The following CLVS1 variants were observed in gnomAD, a reference collection of about 807,000 sequenced individuals.
The protein encoded by CLVS1 is clavesin-1.
CLVS1 carries 10 observed loss-of-function variants against 33.1 expected under a neutral mutation model. That is an observed-to-expected ratio of 0.30 (90% CI 0.19 to 0.51). The LOEUF (loss-of-function observed/expected upper bound fraction) is 0.51. Ranked by LOEUF, CLVS1 falls within the 20% of genes least tolerant of loss-of-function variation. The probability of loss-of-function intolerance (pLI) is 0.97; values close to 1 mark genes in which losing one functional copy is unlikely to be tolerated. For missense variants in CLVS1, 343 were observed against 433.4 expected (o/e 0.79, Z 1.85); for synonymous variants, 163 against 166.1 (o/e 0.98, Z 0.14).
chr8:61,395,125 G>A (rs2129603143), intron 3 of CLVS1, among the ~76,000 whole-genome samples: 1 of 152,288 alleles, frequency 6.6e-6, no homozygotes, highest in Non-Finnish European at 1.5e-5. Context: ...ATACTATGCA[G>A]CCTTCAAAAA....
rs1804511547 is a variant in CLVS1 at position 61,499,934 on chromosome 8, A to C, written c.*392A>C. The C allele has an allele frequency of 5.8e-6, 1 of 172,842 alleles. No homozygotes were observed. Among genetic ancestry groups the C allele is most frequent in the African/African-American group, 2.4e-5 (1 of 42,456 alleles). 10.7% of individuals were successfully genotyped at this position (172,842 alleles called of 1,614,324 possible). A position where few individuals can be genotyped will look rare whatever the true frequency, so the allele number is the denominator to read the frequency against. On this transcript the variant is annotated 3_prime_UTR_variant, in exon 6 of 6. Coordinates refer to ENST00000325897, the MANE Select transcript of CLVS1 (RefSeq NM_173519.3). ...GTTTTTGAAAATTAAGTGCATTTCC[A>C]AGTAAATGTATCAGAGTTAAACTGT...
chr8:61,189,973 A>G (rs1460938543), intron 2 of CLVS1, among the ~76,000 whole-genome samples: 3 of 152,162 alleles, frequency 2.0e-5, no homozygotes, highest in Non-Finnish European at 4.4e-5. Context: ...AAGAGACAGA[A>G]AGTTAACAAG....
chr8:61,113,617 C>T (rs1438967028), intron 1 of CLVS1, among the ~76,000 whole-genome samples: 1 of 152,112 alleles, frequency 6.6e-6, no homozygotes, highest in African/African-American at 2.4e-5. Flanking sequence ...CAAGTTGGAC[C>T]CAGGGAAGTT....
In CLVS1 at chr8:61,455,926, A is replaced by G. The variant is rs774501425; in HGVS notation, c.741+1675A>G. 1.1e-4 allele frequency among the ~76,000 whole-genome samples: 17 copies of G among 152,222 alleles called. No homozygotes were observed. The South Asian group carries it at 1.7e-3, about 15-fold the overall frequency. On this transcript the variant is annotated intron_variant, in intron 4 of 5. Coordinates refer to ENST00000325897, the MANE Select transcript of CLVS1 (RefSeq NM_173519.3). ...AGCAGGGGTAATTTCCCTGTTCTCA[A>G]ACAAGTTTGAAACCAGGAATTAGAA...
chr8:61,458,463 C>G lies in CLVS1; in HGVS notation c.898C>G (p.His300Asp). ...CTACAGCGATGAAAATGACTATACT[C>G]ACACATCCTATAATGCAATGCACGT... ...PDYSDENDYTHTSYNAMHVKH... is the reference protein window; with the variant it reads ...PDYSDENDYTDTSYNAMHVKH... The change falls in exon 5 of 6, where the codon CAC becomes GAC. Residue 300 changes from histidine (H) to aspartate (D), a missense_variant. This residue lies in a region of CLVS1 where 86 missense variants were observed against 95.0 expected (regional missense o/e 0.91). Coordinates refer to ENST00000325897, the MANE Select transcript of CLVS1 (RefSeq NM_173519.3). 1.2e-6 allele frequency: 2 copies of G among 1,614,018 alleles called. No individual in the cohort carries two copies. The highest frequency in any genetic ancestry group is 1.6e-4 in the Middle Eastern group (1 of 6,062).
chr8:60,991,719 C>T, the CLVS1 span, among the ~76,000 whole-genome samples: 3 of 151,496 alleles, frequency 2.0e-5, no homozygotes, highest in African/African-American at 7.3e-5. Context: ...TTCTCTTTCA[C>T]CCTTTGGCCT....
At chr8:61,120,989 G>A (rs1267741023) in intron 1 of CLVS1, among the ~76,000 whole-genome samples, 22 of 150,516 alleles carry the variant, frequency 1.5e-4, no homozygotes, top group Non-Finnish European at 2.8e-4. Context: ...CCGCCTTGTA[G>A]TTTGATCTCA....
chr8:61,033,912 T>A, the CLVS1 span, among the ~76,000 whole-genome samples: 2 of 152,214 alleles, frequency 1.3e-5, no homozygotes, highest in African/African-American at 4.8e-5. Context: ...ACCCTGTGAA[T>A]AACCATGGTC....
chr8:61,126,969 C>T (rs1805985282), intron 1 of CLVS1, among the ~76,000 whole-genome samples: 1 of 152,178 alleles, frequency 6.6e-6, no homozygotes, highest in African/African-American at 2.4e-5. Flanking sequence ...TGATGTTCCT[C>T]AATTGGCCTG....
At chr8:61,127,620 A>T (rs1806001466) in intron 1 of CLVS1, among the ~76,000 whole-genome samples, 1 of 152,216 alleles carries the variant, frequency 6.6e-6, no homozygotes, top group South Asian at 2.1e-4. Context: ...AATATGCCTG[A>T]TTTCTTAGGA....
intron 2 of CLVS1, among the ~76,000 whole-genome samples, chr8:61,211,778 G>C (rs933031000): frequency 1.3e-5 from 2 of 152,124 alleles, no homozygotes; most frequent in African/African-American, 4.8e-5. Flanking sequence ...GGTTATCCTA[G>C]AATACATGGA....
intron 1 of CLVS1, among the ~76,000 whole-genome samples, chr8:61,115,654 T>C (rs1805707395): frequency 6.6e-6 from 1 of 151,876 alleles, no homozygotes; most frequent in Non-Finnish European, 1.5e-5. Context: ...GATAGTGTAC[T>C]GAGAATGATG....
At chr8:61,298,349 T>C (rs946196421) in intron 1 of CLVS1, among the ~76,000 whole-genome samples, 1 of 152,186 alleles carries the variant, frequency 6.6e-6, no homozygotes, top group Non-Finnish European at 1.5e-5. Context: ...CAGAGATAAA[T>C]GCTATTTTCT....
At chr8:61,131,676 T>C (rs1455786081) in intron 1 of CLVS1, 1 of 152,058 alleles carries the variant, frequency 6.6e-6, no homozygotes, top group Non-Finnish European at 1.5e-5. Context: ...GGCCAGTTTT[T>C]TTTTTTTTCT....
At position 61,110,072 on chromosome 8, in the gene CLVS1, C is replaced by T. The variant is rs191237020; in HGVS notation, c.-242-21698C>T. On this transcript the variant is annotated intron_variant, in intron 1 of 2. Coordinates refer to the CLVS1 transcript ENST00000522621. ...GCCTGTGCGCTGACTCCCAGCTGCC[C>T]TGAGCGTTGGCTGCTAATGGTGCAC... 1.4e-4 allele frequency among the ~76,000 whole-genome samples: 22 copies of T among 152,340 alleles called. No homozygotes were observed. In the East Asian group the frequency reaches 4.2e-3, roughly 29 times the overall value.
At chr8:61,435,672 C>T (rs1816304892) in intron 3 of CLVS1, among the ~76,000 whole-genome samples, 2 of 150,502 alleles carry the variant, frequency 1.3e-5, no homozygotes, top group Non-Finnish European at 3.0e-5. Context: ...CTTTCTGATG[C>T]ACCACCACAA....
chr8:61,383,364 C>G (rs1024161804), intron 3 of CLVS1, among the ~76,000 whole-genome samples: 1 of 152,246 alleles, frequency 6.6e-6, no homozygotes, highest in Non-Finnish European at 1.5e-5. Context: ...CTGTAGGACT[C>G]TCTTCAGCAG....
intron 1 of CLVS1, among the ~76,000 whole-genome samples, chr8:61,123,212 T>G (rs1805909136): frequency 7.0e-6 from 1 of 142,760 alleles, no homozygotes; most frequent in African/African-American, 2.6e-5. Flanking sequence ...GAGGTTGCGC[T>G]GAGCCGAGAT....
chr8:61,164,739 C>T (rs978950219), intron 2 of CLVS1, among the ~76,000 whole-genome samples: 4 of 152,156 alleles, frequency 2.6e-5, no homozygotes, highest in Admixed American at 6.5e-5. Flanking sequence ...GTTGGAATCC[C>T]CCCTCTTTCT....
Sources: gnomAD v4.1 joint callset for allele counts (sites outside exome capture counted in the v4.1 genomes callset) on GRCh38, gnomAD v4.1.1 for gene constraint, gnomAD v4.1.1 regional missense constraint, MANE v1.5 for transcripts, NCBI Gene and HGNC (gene_info 2026-07-23, HGNC 2026-07-21) for gene names.